The following SHLD1 variants were observed in gnomAD, a reference collection of about 807,000 sequenced individuals.
SHLD1 encodes the protein shieldin complex subunit 1.
SHLD1 carries 3 observed loss-of-function variants against 5.5 expected under a neutral mutation model. The ratio of observed to expected loss-of-function variants is 0.54; its 90% CI spans 0.25 to 1.40. The LOEUF (loss-of-function observed/expected upper bound fraction) is 1.40. Among genes scored for constraint, SHLD1 ranks in the 40% most tolerant of loss-of-function variants. SHLD1 has a pLI of 0.15. For missense variants in SHLD1, 210 were observed against 244.4 expected (o/e 0.86, Z 0.94); for synonymous variants, 92 against 94.3 (o/e 0.98, Z 0.14).
chr20:5,824,682 G>A (rs2087646391), intron 2 of SHLD1, among the ~76,000 whole-genome samples: 1 of 149,894 alleles, frequency 6.7e-6, no homozygotes, highest in Non-Finnish European at 1.5e-5. Flanking sequence ...AGGAGATGAA[G>A]GTTGCATTTT....
intron 2 of SHLD1, among the ~76,000 whole-genome samples, chr20:5,853,300 G>T (rs1323581633): frequency 6.6e-6 from 1 of 152,098 alleles, no homozygotes; most frequent in Admixed American, 6.6e-5. Context: ...ACAAAAATTA[G>T]CTGGGTGTGA....
chr20:5,792,818 C>T (rs988040013), intron 2 of SHLD1, among the ~76,000 whole-genome samples: 7 of 151,532 alleles, frequency 4.6e-5, no homozygotes, highest in African/African-American at 1.2e-4. Flanking sequence ...GGATTACAGG[C>T]GTGCGCCAAT....
At chr20:5,809,914 T>C (rs1265338681) in intron 2 of SHLD1, among the ~76,000 whole-genome samples, 1 of 152,084 alleles carries the variant, frequency 6.6e-6, no homozygotes, top group Non-Finnish European at 1.5e-5. Context: ...CTCATTGTTA[T>C]TTCAGTTTTC....
chr20:5,848,898 T>C (rs899351920), intron 2 of SHLD1, among the ~76,000 whole-genome samples: 3 of 152,174 alleles, frequency 2.0e-5, no homozygotes, highest in Non-Finnish European at 2.9e-5. Flanking sequence ...TATGCCACTT[T>C]CCCTCTGAGT....
intron 2 of SHLD1, among the ~76,000 whole-genome samples, chr20:5,862,188 C>T (rs1440025822): frequency 6.6e-6 from 1 of 152,218 alleles, no homozygotes; most frequent in Non-Finnish European, 1.5e-5. Flanking sequence ...TTTGCGGACA[C>T]AATTCAGTCC....
rs545489433 is a variant in SHLD1 at position 5,813,995 on chromosome 20, C to G, written c.178+40952C>G. On this transcript the variant is annotated intron_variant, in intron 2 of 2. Coordinates refer to ENST00000303142, the MANE Select transcript of SHLD1 (RefSeq NM_152504.4). Reference sequence around the variant, plus strand: ...TGAGACAGGGTCTCACTCTGTCTCCCACGCTGGAGTGCAGTGGCACAGTCT... The same window carrying G: ...TGAGACAGGGTCTCACTCTGTCTCCGACGCTGGAGTGCAGTGGCACAGTCT... Among the ~76,000 whole-genome samples the G allele has an allele frequency of 4.3e-3, 633 of 146,162 alleles. 1 individual carries two copies. The highest frequency in any genetic ancestry group is 6.8e-3 in the Non-Finnish European group (455 of 66,892).
chr20:5,820,434 G>A (rs1007492945), intron 2 of SHLD1, among the ~76,000 whole-genome samples: 2 of 152,208 alleles, frequency 1.3e-5, no homozygotes, highest in Non-Finnish European at 2.9e-5. Flanking sequence ...CAGCTGCTAT[G>A]TGCTGGACAC....
rs58643272 is a variant in SHLD1 at position 5,811,857 on chromosome 20, GAA to G, written c.178+38826_178+38827del. On this transcript the variant is annotated intron_variant, in intron 2 of 2. Coordinates refer to ENST00000303142, the MANE Select transcript of SHLD1 (RefSeq NM_152504.4). ...GGCAACAATGTGAAACTGTGTCTCT[GAA>G]AAAAAAAAAAATGAATTTGAACACC... Among the ~76,000 whole-genome samples the G allele has an allele frequency of 1.3e-3, 185 of 144,526 alleles. 1 individual carries two copies. The highest frequency in any genetic ancestry group is 4.0e-3 in the African/African-American group (156 of 38,918). 94.8% of individuals were successfully genotyped at this position (144,526 alleles called of 152,430 possible). A position where few individuals can be genotyped will look rare whatever the true frequency, so the allele number is the denominator to read the frequency against.
At chr20:5,817,430 C>T (rs201657305) in intron 2 of SHLD1, among the ~76,000 whole-genome samples, 4 of 99,514 alleles carry the variant, frequency 4.0e-5, no homozygotes, top group African/African-American at 1.9e-4. Context: ...CTCTCTCTCT[C>T]TCTGTGTGTG....
chr20:5,841,900 C>T lies in SHLD1; in HGVS notation c.179-21124C>T, dbSNP rs556700425. On this transcript the variant is annotated intron_variant, in intron 2 of 2. Coordinates refer to ENST00000303142, the MANE Select transcript of SHLD1 (RefSeq NM_152504.4). ...CAATGCAGAGGCTATTAGAGCAGCA[C>T]GCATGAGCTGAGTTAGGAAGATAAA... 2.0e-5 allele frequency among the ~76,000 whole-genome samples: 3 copies of T among 152,280 alleles called. No individual in the cohort carries two copies. The South Asian group carries it at 6.2e-4, about 32-fold the overall frequency.
chr20:5,773,053 A>G lies in SHLD1; in HGVS notation c.178+10A>G. 6.2e-7 allele frequency: 1 copy of G among 1,614,166 alleles called. No individual in the cohort carries two copies. The highest frequency in any genetic ancestry group is 8.5e-7 in the Non-Finnish European group (1 of 1,179,964). On this transcript the variant is annotated intron_variant, in intron 2 of 2. Coordinates refer to ENST00000303142, the MANE Select transcript of SHLD1 (RefSeq NM_152504.4). ...TCTGATGTGGATCCAGGTAATAAGC[A>G]GAGTTTAAAACAAACTAACTTAAAA... is the stretch of plus-strand genomic sequence containing the variant.
intron 2 of SHLD1, among the ~76,000 whole-genome samples, chr20:5,817,414 CTCTCTCTCTCTCTCTCTCTGTGTG>C (rs1052553435): frequency 2.2e-5 from 3 of 136,030 alleles, no homozygotes; most frequent in African/African-American, 8.9e-5. Context: ...CTCTCTCTCT[CTCTCTCTCTCTCTCTCTCTGTGTG>C]TGTGTGTGTG....
intron 1 of SHLD1, among the ~76,000 whole-genome samples, chr20:5,767,581 T>A (rs1443884847): frequency 6.6e-6 from 1 of 152,160 alleles, no homozygotes; most frequent in Admixed American, 6.6e-5. Context: ...GCGAATGAAT[T>A]CTTGTTCATG....
intron 2 of SHLD1, among the ~76,000 whole-genome samples, chr20:5,845,227 A>C (rs2087919159): frequency 6.6e-6 from 1 of 152,272 alleles, no homozygotes; most frequent in African/African-American, 2.4e-5. Flanking sequence ...ATTATAAAGT[A>C]TCTTTTATTT....
intron 2 of SHLD1, among the ~76,000 whole-genome samples, chr20:5,827,131 G>A (rs1047515100): frequency 1.9e-4 from 2 of 10,394 alleles, no homozygotes; most frequent in Non-Finnish European, 4.1e-4. Flanking sequence ...GGCATGAGTG[G>A]GCGTGGCACC....
At chr20:5,787,336 T>G (rs1218986124) in intron 2 of SHLD1, among the ~76,000 whole-genome samples, 1 of 152,194 alleles carries the variant, frequency 6.6e-6, no homozygotes, top group Admixed American at 6.5e-5. Context: ...CAGAAGAAAT[T>G]TTCTCATCTG....
At chr20:5,837,393 CAT>C (rs1384087107) in intron 2 of SHLD1, among the ~76,000 whole-genome samples, 2 of 152,158 alleles carry the variant, frequency 1.3e-5, no homozygotes, top group African/African-American at 4.8e-5. Flanking sequence ...TTGCTGCACA[CAT>C]CATCCCATCA....
chr20:5,833,668 A>G (rs1190742891), intron 2 of SHLD1, among the ~76,000 whole-genome samples: 1 of 151,894 alleles, frequency 6.6e-6, no homozygotes, highest in Non-Finnish European at 1.5e-5. Context: ...AGAGACAGAG[A>G]CAGGGAGAGA....
chr20:5,803,895 AAAAAAC>A (rs1158219434), intron 2 of SHLD1, among the ~76,000 whole-genome samples: 1 of 141,934 alleles, frequency 7.0e-6, no homozygotes, highest in Non-Finnish European at 1.6e-5. Context: ...GATTAAAAAA[AAAAAAC>A]AAAACAAGAA....
Sources: gnomAD v4.1 joint callset for allele counts (sites outside exome capture counted in the v4.1 genomes callset) on GRCh38, gnomAD v4.1.1 for gene constraint, MANE v1.5 for transcripts, NCBI Gene and HGNC (gene_info 2026-07-23, HGNC 2026-07-21) for gene names.